Variants in CDH1 observed in about 807,000 individuals in gnomAD.
CDH1 encodes cadherin-1.
In CDH1, 35 loss-of-function variants were observed where a neutral mutation model predicts 84.5. The observed-to-expected ratio is 0.41, with a 90% CI of 0.32 to 0.55. The LOEUF (loss-of-function observed/expected upper bound fraction) is 0.55. Among genes scored for constraint, CDH1 ranks in the 20% least tolerant of loss-of-function variants. The pLI, the probability that CDH1 is intolerant of heterozygous loss-of-function variation, is 0.19. For synonymous variants in CDH1, 417 were observed against 439.0 expected (o/e 0.95, Z 0.63); for missense variants, 994 against 1,126.6 (o/e 0.88, Z 1.68).
chr16:68,769,556 G>A (rs758706842), intron 2 of CDH1, among the ~76,000 whole-genome samples: 9 of 151,110 alleles, frequency 6.0e-5, no homozygotes, highest in Non-Finnish European at 1.2e-4. Context: ...AGATCCTCCC[G>A]CTTCAGTCTC....
At chr16:68,785,364 G>A (rs1006696689) in intron 2 of CDH1, among the ~76,000 whole-genome samples, 3 of 152,026 alleles carry the variant, frequency 2.0e-5, no homozygotes, top group African/African-American at 7.2e-5. Context: ...GCTAAGTTTT[G>A]TATTTTTAGT....
intron 2 of CDH1, among the ~76,000 whole-genome samples, chr16:68,781,562 C>CT (rs1959879170): frequency 1.3e-5 from 2 of 152,124 alleles, no homozygotes; most frequent in African/African-American, 4.8e-5. Context: ...TGGTGTCGAA[C>CT]TCCTGAGCTC....
chr16:68,737,521 A>AGCCCCGTGCCCCACCCCTGC (rs552723559), intron 1 of CDH1, 58 bp downstream of exon 1: 3 of 1,311,578 alleles, frequency 2.3e-6, no homozygotes, highest in African/African-American at 3.0e-5. Context: ...TCCGCGCCCC[A>AGCCCCGTGCCCCACCCCTGC]GCCCTGCGCC....
Position 68,778,779 on chromosome 16 carries a change from C to T in CDH1, c.164-22891C>T, listed in dbSNP as rs556039097. Among the ~76,000 whole-genome samples, 3 of 152,264 alleles carry T rather than the reference C, an allele frequency of 2.0e-5. No homozygotes were observed. In the South Asian group the frequency reaches 6.2e-4, roughly 32 times the overall value. On this transcript the variant is annotated intron_variant, in intron 2 of 15. Coordinates refer to ENST00000261769, the MANE Select transcript of CDH1 (RefSeq NM_004360.5). Reference sequence around the variant, plus strand: ...CCTGTCAGCAGAAACGGTGCAGTCACAATGAGAAGGGAAAGAGTATTTAAC... The same window carrying T: ...CCTGTCAGCAGAAACGGTGCAGTCATAATGAGAAGGGAAAGAGTATTTAAC...
intron 2 of CDH1, among the ~76,000 whole-genome samples, chr16:68,745,459 G>T (rs1385671087): frequency 6.7e-6 from 1 of 148,150 alleles, no homozygotes; most frequent in Admixed American, 6.8e-5. Context: ...GGGGGATTGC[G>T]TGAAGCCCGG....
chr16:68,785,143 C>T (rs1960009742), intron 2 of CDH1, among the ~76,000 whole-genome samples: 1 of 152,140 alleles, frequency 6.6e-6, no homozygotes, highest in South Asian at 2.1e-4. Context: ...TTTTAAAGTT[C>T]TATATGTAAC....
rs1201661407 is a variant in CDH1, at chr16:68,757,787, TTC to T, written c.163+19377_163+19378del. On this transcript the variant is annotated intron_variant, in intron 2 of 15. Coordinates refer to ENST00000261769, the MANE Select transcript of CDH1 (RefSeq NM_004360.5). Reference sequence around the variant, plus strand: ...TCTCTCTCCTTCCTTCCTTCCTTCCTTCCTTTCTTTCTTTCTTTTTTTTGAGA... The same window carrying T: ...TCTCTCTCCTTCCTTCCTTCCTTCCTCTTTCTTTCTTTCTTTTTTTTGAGA... Among the ~76,000 whole-genome samples the T allele has an allele frequency of 4.0e-4, 60 of 150,912 alleles. No individual in the cohort carries two copies. The South Asian group carries it at 6.3e-3, about 16-fold the overall frequency.
chr16:68,764,395 G>A (rs1279203658), intron 2 of CDH1, among the ~76,000 whole-genome samples: 1 of 152,194 alleles, frequency 6.6e-6, no homozygotes, highest in Admixed American at 6.5e-5. Flanking sequence ...TGGCCAACAT[G>A]GCGAATCCCC....
At chr16:68,758,231 T>G (rs1963072616) in intron 2 of CDH1, among the ~76,000 whole-genome samples, 1 of 135,828 alleles carries the variant, frequency 7.4e-6, no homozygotes, top group Non-Finnish European at 1.6e-5. Flanking sequence ...TTTTTTTTTT[T>G]TTTGAGAGAG....
At chr16:68,820,026 CTG>C (rs1403812942) in intron 11 of CDH1, among the ~76,000 whole-genome samples, 1 of 151,958 alleles carries the variant, frequency 6.6e-6, no homozygotes, top group Non-Finnish European at 1.5e-5. Context: ...TGGCAAAACC[CTG>C]TCTCTACAAA....
At position 68,737,362 on chromosome 16, in the gene CDH1, G is replaced by C. The variant is rs5030874; in HGVS notation, c.-54G>C. On this transcript the variant is annotated 5_prime_UTR_variant, in exon 1 of 16. Coordinates refer to ENST00000261769, the MANE Select transcript of CDH1 (RefSeq NM_004360.5). ...TTCAGACTCCAGCCCGCTCCAGCCC[G>C]GCCCGACCCGACCGCACCCGGCGCC... The C allele has an allele frequency of 2.9e-3, 4,373 of 1,484,350 alleles. 11 individuals carry two copies. Among genetic ancestry groups the C allele is most frequent in the Non-Finnish European group, 3.5e-3 (3,826 of 1,106,262 alleles). The allele number at this position is 1,484,350 out of a possible 1,614,324, so 91.9% of individuals were successfully genotyped here.
intron 2 of CDH1, among the ~76,000 whole-genome samples, chr16:68,800,722 C>T (rs1349294097): frequency 1.3e-5 from 2 of 152,234 alleles, no homozygotes; most frequent in African/African-American, 4.8e-5. Flanking sequence ...GCAAGGCTGG[C>T]TCCTTCAGGT....
At chr16:68,763,139 G>A (rs1455440533) in intron 2 of CDH1, among the ~76,000 whole-genome samples, 1 of 152,134 alleles carries the variant, frequency 6.6e-6, no homozygotes, top group Admixed American at 6.5e-5. Context: ...TATGGTGACA[G>A]CTATTCCTGT....
chr16:68,745,625 A>ATATATGTATGTGTGTATATATATATATG (rs1962718638), intron 2 of CDH1, among the ~76,000 whole-genome samples: 2 of 25,230 alleles, frequency 7.9e-5, no homozygotes, highest in Non-Finnish European at 2.8e-4. Context: ...ATATATATAT[A>ATATATGTATGTGTGTATATATATATATG]TGTATATATA....
chr16:68,810,876 A>C (rs904974071), intron 6 of CDH1, among the ~76,000 whole-genome samples: 1 of 151,882 alleles, frequency 6.6e-6, no homozygotes, highest in African/African-American at 2.4e-5. Context: ...AAAAAAAAAA[A>C]AATTTTTTTT....
At chr16:68,811,660 C>T (rs1194214185) in intron 6 of CDH1, 24 bp from the exon 7 acceptor site, 1 of 1,612,592 alleles carries the variant, frequency 6.2e-7, no homozygotes, top group South Asian at 1.1e-5. Context: ...TTGTCTAAAC[C>T]TTCATCTCCT....
chr16:68,793,137 G>C (rs561318237), intron 2 of CDH1, among the ~76,000 whole-genome samples: 2 of 152,316 alleles, frequency 1.3e-5, no homozygotes, highest in Admixed American at 1.3e-4. Context: ...AGTCATGCTT[G>C]TGCAACGTGA....
At chr16:68,781,664 G>A (rs1480947994) in intron 2 of CDH1, among the ~76,000 whole-genome samples, 1 of 152,080 alleles carries the variant, frequency 6.6e-6, no homozygotes, top group Admixed American at 6.6e-5. Context: ...TTTATTGACA[G>A]GGTCTCACTA....
chr16:68,815,564 C>T lies in CDH1; in HGVS notation c.1370C>T (p.Thr457Met), dbSNP rs587778170. ...CAGTACATTCTACACGTAGCAGTGA[C>T]GAATGTGGTACCTTTTGAGGTCTCT... ...KQQYILHVAV[T>M]NVVPFEVSLT... is the part of the protein sequence containing the mutation. Residue 457 changes from threonine to methionine, a missense_variant, in exon 10 of 16, where the codon ACG becomes ATG. Around this residue, in one of 3 missense-constraint regions of CDH1, gnomAD observed 769 missense variants for 881.8 expected, o/e 0.87. Transcript: ENST00000261769. 30 of 1,614,058 alleles carry T rather than the reference C, an allele frequency of 1.9e-5. No homozygotes were observed. Among genetic ancestry groups the T allele is most frequent in the Middle Eastern group, 1.6e-4 (1 of 6,084 alleles).
Sources: gnomAD v4.1 joint callset for allele counts (sites outside exome capture counted in the v4.1 genomes callset) on GRCh38, gnomAD v4.1.1 for gene constraint, gnomAD v4.1.1 regional missense constraint, MANE v1.5 for transcripts, NCBI Gene and HGNC (gene_info 2026-07-23, HGNC 2026-07-21) for gene names.